GRM5: variants seen among roughly 807,000 people sequenced by gnomAD.
GRM5 encodes metabotropic glutamate receptor 5.
GRM5 carries 19 observed loss-of-function variants against 83.1 expected under a neutral mutation model. The ratio of observed to expected loss-of-function variants is 0.23; its 90% CI spans 0.16 to 0.34. The LOEUF (loss-of-function observed/expected upper bound fraction) is 0.34, where lower values mean the gene tolerates loss of function less well. Ranked by LOEUF, GRM5 falls within the 10% of genes least tolerant of loss-of-function variation. The pLI, the probability that GRM5 is intolerant of heterozygous loss-of-function variation, is 1.00. For synonymous variants in GRM5, 675 were observed against 633.6 expected, an observed-to-expected ratio of 1.07 and a Z score of -0.98; for missense variants, 1,160 against 1,588.3, an observed-to-expected ratio of 0.73 and a Z score of 4.58.
At chr11:89,042,032 T>C (rs1002858382) in intron 2 of GRM5, among the ~76,000 whole-genome samples, 5 of 152,160 alleles carry the variant, frequency 3.3e-5, no homozygotes, top group Non-Finnish European at 7.4e-5. Context: ...GATCATGCTA[T>C]TTCTCAAGGC....
At chr11:88,683,354 C>A (rs7944583) in intron 3 of GRM5, among the ~76,000 whole-genome samples, 2 of 152,138 alleles carry the variant, frequency 1.3e-5, no homozygotes, top group Non-Finnish European at 2.9e-5. Context: ...CTGTCACCAG[C>A]GAAAACACTG....
chr11:88,571,318 C>G (rs946103849), intron 7 of GRM5, among the ~76,000 whole-genome samples: 5 of 152,100 alleles, frequency 3.3e-5, no homozygotes, highest in African/African-American at 1.2e-4. Flanking sequence ...TAATTATTTT[C>G]CCAAATCTTT....
intron 8 of GRM5, among the ~76,000 whole-genome samples, chr11:88,527,259 TTGAATATCTTCTGTTAGGCTAATTG>T (rs1327589967): frequency 6.6e-6 from 1 of 152,226 alleles, no homozygotes; most frequent in Non-Finnish European, 1.5e-5. Context: ...TAACATATTT[TTGAATATCTTCTGTTAGGCTAATTG>T]TGAATTAATC....
At chr11:89,064,886 CTCTGTGTGTG>C (rs1326116560) in intron 1 of GRM5, among the ~76,000 whole-genome samples, 28 of 72,762 alleles carry the variant, frequency 3.8e-4, no homozygotes, top group South Asian at 2.1e-3. Context: ...CTCTCTCTCT[CTCTGTGTGTG>C]TGTGTGTGTG....
At chr11:88,822,906 A>T (rs1447320476) in intron 3 of GRM5, among the ~76,000 whole-genome samples, 2 of 151,992 alleles carry the variant, frequency 1.3e-5, no homozygotes, top group African/African-American at 4.8e-5. Context: ...AACGCAGCTC[A>T]ATAGTTTTCA....
intron 2 of GRM5, among the ~76,000 whole-genome samples, chr11:89,022,985 C>G (rs768740302): frequency 2.0e-5 from 3 of 152,112 alleles, no homozygotes; most frequent in Admixed American, 2.0e-4. Context: ...AGGGATGGGT[C>G]CCAAGAATGT....
At chr11:88,548,684 A>G (rs2135143289) in intron 8 of GRM5, among the ~76,000 whole-genome samples, 1 of 152,318 alleles carries the variant, frequency 6.6e-6, no homozygotes, top group East Asian at 1.9e-4. Flanking sequence ...TCTTCTTAGC[A>G]TTTACCTTCT....
intron 7 of GRM5, among the ~76,000 whole-genome samples, chr11:88,581,760 G>T (rs758947716): frequency 1.3e-5 from 2 of 152,112 alleles, no homozygotes; most frequent in Non-Finnish European, 2.9e-5. Flanking sequence ...CCATAATAGA[G>T]GCTTTGATGA....
At chr11:88,630,649 G>T (rs1484338537) in intron 4 of GRM5, among the ~76,000 whole-genome samples, 1 of 150,922 alleles carries the variant, frequency 6.6e-6, no homozygotes, top group African/African-American at 2.4e-5. Flanking sequence ...TGCGATCTTG[G>T]CTCACTGCAA....
At chr11:88,952,952 C>T (rs1384322834) in intron 2 of GRM5, among the ~76,000 whole-genome samples, 2 of 152,028 alleles carry the variant, frequency 1.3e-5, no homozygotes, top group Non-Finnish European at 2.9e-5. Flanking sequence ...TATATTTGAG[C>T]GTTTGGATAA....
At chr11:88,879,194 AAG>A (rs768089138) in intron 2 of GRM5, among the ~76,000 whole-genome samples, 2 of 152,106 alleles carry the variant, frequency 1.3e-5, no homozygotes, top group Non-Finnish European at 2.9e-5. Context: ...AATGTAATAA[AAG>A]GGGTTATGAG....
At chr11:88,833,003 A>G (rs542329147) in intron 3 of GRM5, among the ~76,000 whole-genome samples, 1 of 152,124 alleles carries the variant, frequency 6.6e-6, no homozygotes, top group African/African-American at 2.4e-5. Context: ...CCCAAACTAT[A>G]AAACTACTAA....
At chr11:89,025,332 G>A (rs925714240) in intron 2 of GRM5, among the ~76,000 whole-genome samples, 25 of 152,126 alleles carry the variant, frequency 1.6e-4, no homozygotes, top group African/African-American at 5.3e-4. Flanking sequence ...AGTTGCTAAG[G>A]ATGGCAACAA....
In GRM5 at chr11:88,770,019, T is replaced by A. The variant is rs543597018; in HGVS notation, c.911+79887A>T. ...ACAGTTATAAATCATGTTGATAGTATACACCCTGGATATGATGTGATTAAA... is the reference window on the plus strand; with the variant it reads ...ACAGTTATAAATCATGTTGATAGTAAACACCCTGGATATGATGTGATTAAA... On this transcript the variant is annotated intron_variant, in intron 3 of 9. Coordinates refer to ENST00000305447, the MANE Select transcript of GRM5 (RefSeq NM_001143831.3). Among the ~76,000 whole-genome samples, 7 of 152,168 alleles carry A rather than the reference T, an allele frequency of 4.6e-5. No homozygotes were observed. In the South Asian group the frequency reaches 1.5e-3, roughly 32 times the overall value.
chr11:88,931,527 A>G (rs918304403), intron 2 of GRM5, among the ~76,000 whole-genome samples: 3 of 152,092 alleles, frequency 2.0e-5, no homozygotes, highest in Non-Finnish European at 4.4e-5. Context: ...GATAAGTACA[A>G]TGTAAACAGG....
chr11:88,687,579 A>ATATATTATAT (rs1250226972), intron 3 of GRM5, among the ~76,000 whole-genome samples: 10,000 of 46,898 alleles, frequency 0.21, 2,290 homozygotes, highest in Admixed American at 0.3. Context: ...ATATATATAT[A>ATATATTATAT]ATATATATAT....
intron 4 of GRM5, among the ~76,000 whole-genome samples, 156 bp downstream of exon 4, chr11:88,653,012 A>G (rs543192966): frequency 6.6e-6 from 1 of 152,184 alleles, no homozygotes; most frequent in African/African-American, 2.4e-5. Context: ...TCCTAATGAG[A>G]CTAAAACCTG....
intron 2 of GRM5, among the ~76,000 whole-genome samples, chr11:88,972,428 TTG>T (rs1166818947): frequency 6.6e-6 from 1 of 152,188 alleles, no homozygotes; most frequent in African/African-American, 2.4e-5. Flanking sequence ...GAGCCACTTT[TTG>T]TGTTTCTTTT....
At chr11:88,717,470 T>C (rs1941423537) in intron 3 of GRM5, among the ~76,000 whole-genome samples, 1 of 151,868 alleles carries the variant, frequency 6.6e-6, no homozygotes, top group South Asian at 2.1e-4. Context: ...TGATCTCCAT[T>C]TTACTGATGA....
Sources: gnomAD v4.1 joint callset for allele counts (sites outside exome capture counted in the v4.1 genomes callset) on GRCh38, gnomAD v4.1.1 for gene constraint, MANE v1.5 for transcripts, NCBI Gene and HGNC (gene_info 2026-07-23, HGNC 2026-07-21) for gene names.